SPATA13: variants seen among roughly 807,000 people sequenced by gnomAD.
SPATA13 encodes spermatogenesis-associated protein 13.
In SPATA13, 50 loss-of-function variants were observed where a neutral mutation model predicts 104.0. The observed-to-expected ratio is 0.48, with a 90% CI of 0.38 to 0.61. The LOEUF is 0.61. SPATA13 is among the 20% of genes least tolerant of loss of function. The pLI is 0.00. For missense variants in SPATA13, 1,524 were observed against 1,690.6 expected, an observed-to-expected ratio of 0.90 and a Z score of 1.73; for synonymous variants, 606 against 667.5, an observed-to-expected ratio of 0.91 and a Z score of 1.42.
At chr13:24,134,780 A>G (rs28479328) in intron 3 of SPATA13, among the ~76,000 whole-genome samples, 4,832 of 152,182 alleles carry the variant, frequency 0.032, 201 homozygotes, top group African/African-American at 0.098. Context: ...GCCTCAGGAG[A>G]GCTTCACTCG....
chr13:24,073,740 A>T (rs973323536), intron 3 of SPATA13, among the ~76,000 whole-genome samples: 1 of 152,244 alleles, frequency 6.6e-6, no homozygotes, highest in African/African-American at 2.4e-5. Context: ...TATCTTTTAA[A>T]TAAACTTCTC....
intron 3 of SPATA13, among the ~76,000 whole-genome samples, chr13:24,030,066 G>GCACA (rs57708966): frequency 6.9e-6 from 1 of 145,312 alleles, no homozygotes; most frequent in African/African-American, 2.6e-5. Context: ...ACACACACAC[G>GCACA]CACACACACA....
chr13:24,036,287 T>C (rs1490951700), intron 3 of SPATA13, among the ~76,000 whole-genome samples: 1 of 152,218 alleles, frequency 6.6e-6, no homozygotes, highest in East Asian at 1.9e-4. Flanking sequence ...TCAGGGTTAA[T>C]GGAAGACAGC....
At chr13:24,031,325 T>C (rs1017546215) in intron 3 of SPATA13, among the ~76,000 whole-genome samples, 1 of 152,210 alleles carries the variant, frequency 6.6e-6, no homozygotes, top group African/African-American at 2.4e-5. Flanking sequence ...TCCATTGGTT[T>C]CTTTGGATTT....
At chr13:24,101,909 T>G (rs1310813745) in intron 3 of SPATA13, among the ~76,000 whole-genome samples, 2 of 152,254 alleles carry the variant, frequency 1.3e-5, no homozygotes, top group Non-Finnish European at 2.9e-5. Context: ...TGCTTCCGTC[T>G]TTTGGCTATT....
Position 24,029,871 on chromosome 13 carries a change from C to T in SPATA13, c.-112+12170C>T, listed in dbSNP as rs149746405. Among the ~76,000 whole-genome samples, 1,437 of 152,096 alleles carry T rather than the reference C, an allele frequency of 9.4e-3. 26 individuals are homozygous for T. The highest frequency in any genetic ancestry group is 0.032 in the African/African-American group (1,338 of 41,464). On this transcript the variant is annotated intron_variant, in intron 3 of 14. Coordinates refer to the SPATA13 transcript ENST00000424834. ...GCTCTCACTTATAAGTGAGAACATGCGGTATTTGGTTATCTCTTCCTAAGT... is the reference window on the plus strand; with the variant it reads ...GCTCTCACTTATAAGTGAGAACATGTGGTATTTGGTTATCTCTTCCTAAGT...
intron 3 of SPATA13, among the ~76,000 whole-genome samples, chr13:24,091,214 C>T (rs903993747): frequency 6.6e-6 from 1 of 152,200 alleles, no homozygotes; most frequent in Non-Finnish European, 1.5e-5. Context: ...CAGCAAGAGG[C>T]GAGAGACTAA....
At chr13:24,110,788 G>A (rs889847692) in intron 3 of SPATA13, among the ~76,000 whole-genome samples, 2 of 152,094 alleles carry the variant, frequency 1.3e-5, no homozygotes, top group African/African-American at 4.8e-5. Flanking sequence ...CATGGGAAAG[G>A]GCAGATCTTT....
At chr13:24,102,619 T>G (rs1294902882) in intron 3 of SPATA13, among the ~76,000 whole-genome samples, 1 of 151,872 alleles carries the variant, frequency 6.6e-6, no homozygotes, top group Non-Finnish European at 1.5e-5. Flanking sequence ...GGATTATAGG[T>G]GCCCACCACT....
At chr13:24,032,624 T>A (rs906342142) in intron 3 of SPATA13, among the ~76,000 whole-genome samples, 1 of 152,170 alleles carries the variant, frequency 6.6e-6, no homozygotes, top group African/African-American at 2.4e-5. Context: ...ATAGAAGATT[T>A]TGGTTGAAAA....
In SPATA13 at chr13:24,286,675, A is replaced by T. The variant is rs2138736389; in HGVS notation, c.2482-90A>T. On this transcript the variant is annotated intron_variant, in intron 6 of 12. Transcript: ENST00000382108. The surrounding 1 kb of genome is among the most constrained non-coding windows in gnomAD (Gnocchi z 4.9). ...CCAGGCTGCCTTCCTAACAGGTCAC[A>T]GGAAAGTAGGAACCTGGGAGGTCTC... 7.7e-7 allele frequency: 1 copy of T among 1,292,602 alleles called. No individual in the cohort carries two copies. Among genetic ancestry groups the T allele is most frequent in the Non-Finnish European group, 1.1e-6 (1 of 937,556 alleles). The allele number at this position is 1,292,602 out of a possible 1,614,324, so 80.1% of individuals were successfully genotyped here.
At chr13:24,248,887 T>TC (rs1873313173) in intron 2 of SPATA13, among the ~76,000 whole-genome samples, 3 of 151,946 alleles carry the variant, frequency 2.0e-5, no homozygotes, top group South Asian at 4.2e-4. Context: ...GATTTTCTTT[T>TC]TTTTTTTTTT....
At chr13:24,189,911 A>G (rs368379488) in intron 1 of SPATA13, among the ~76,000 whole-genome samples, 13 of 23,692 alleles carry the variant, frequency 5.5e-4, no homozygotes, top group South Asian at 1.2e-3. Context: ...ATTATATTAC[A>G]TAATATATAT....
rs189481899 is a variant in SPATA13 at position 24,281,638 on chromosome 13, G to A, written c.2165-2497G>A. Among the ~76,000 whole-genome samples the A allele has an allele frequency of 5.3e-5, 8 of 152,330 alleles. No homozygotes were observed. The East Asian group carries it at 7.7e-4, about 15-fold the overall frequency. On this transcript the variant is annotated intron_variant, in intron 4 of 12. Coordinates refer to ENST00000382108, the MANE Select transcript of SPATA13 (RefSeq NM_001166271.3). ...AGGTGATGGTGGCTGGGATGTCGGG[G>A]TTTCTCTGAGAGGGGCACCCCAGGC...
chr13:24,222,658 T>C (rs1331659062), intron 1 of SPATA13, among the ~76,000 whole-genome samples, 161 bp from the exon 2 acceptor site: 1 of 152,224 alleles, frequency 6.6e-6, no homozygotes, highest in South Asian at 2.1e-4. Flanking sequence ...GCATCTTTCC[T>C]TCAACTTATG....
chr13:24,274,662 CTGTTTT>C (rs1874847153), intron 4 of SPATA13, among the ~76,000 whole-genome samples: 1 of 152,252 alleles, frequency 6.6e-6, no homozygotes, highest in African/African-American at 2.4e-5. Flanking sequence ...CTTGCCATTT[CTGTTTT>C]TAAGATGGGA....
At chr13:24,007,779 A>G (rs1268917024) in intron 2 of SPATA13, among the ~76,000 whole-genome samples, 1 of 152,180 alleles carries the variant, frequency 6.6e-6, no homozygotes, top group Admixed American at 6.5e-5. Context: ...GGGTTTTTTC[A>G]TTTTAAATTT....
chr13:24,030,083 CACACACAT>C (rs1274483978), intron 3 of SPATA13, among the ~76,000 whole-genome samples: 13 of 151,136 alleles, frequency 8.6e-5, no homozygotes, highest in South Asian at 2.1e-4. Context: ...CACACACACA[CACACACAT>C]ACATACATAC....
rs565127355 is a variant in SPATA13 at position 23,992,949 on chromosome 13, TG to T, written c.-147+9019del. On this transcript the variant is annotated intron_variant, in intron 2 of 14. Transcript: ENST00000424834. ...CTATTCTTCTGTTTACAATGCAGCA[TG>T]GGAATTTCCATCAAGCCAGCTGTGC... 2.0e-5 allele frequency among the ~76,000 whole-genome samples: 3 copies of T among 152,328 alleles called. No individual in the cohort carries two copies. The South Asian group carries it at 6.2e-4, about 32-fold the overall frequency.
Sources: allele counts gnomAD v4.1 joint callset (sites outside exome capture counted in the v4.1 genomes callset), GRCh38; gene constraint gnomAD v4.1.1; non-coding constraint Gnocchi (gnomAD v3.1); transcripts MANE v1.5; gene names NCBI Gene and HGNC (gene_info 2026-07-23, HGNC 2026-07-21).